Variants in AXDND1 observed in about 807,000 individuals in gnomAD.
The protein encoded by AXDND1 is axonemal dynein light chain domain containing 1, also known as axonemal dynein light chain domain-containing protein 1.
A neutral mutation model predicts 137.5 loss-of-function variants in AXDND1; 110 were observed. The ratio of observed to expected loss-of-function variants is 0.80; its 90% confidence interval spans 0.69 to 0.94. The LOEUF (loss-of-function observed/expected upper bound fraction) is 0.94, where lower values mean the gene tolerates loss of function less well. AXDND1 is among the 40% of genes least tolerant of loss of function. The pLI is 0.00. For missense variants in AXDND1, 1,191 were observed against 1,169.8 expected (o/e 1.02, Z -0.26); for synonymous variants, 414 against 399.7 (o/e 1.04, Z -0.43).
At chr1:179,376,537 A>G (rs1647302241) in intron 4 of AXDND1, among the ~76,000 whole-genome samples, 2 of 152,192 alleles carry the variant, frequency 1.3e-5, no homozygotes. Flanking sequence ...CTCAGGACCT[A>G]TGCATATGCT....
At chr1:179,466,184 C>T (rs1020179608) in intron 16 of AXDND1, among the ~76,000 whole-genome samples, 3 of 152,068 alleles carry the variant, frequency 2.0e-5, no homozygotes, top group Admixed American at 6.6e-5. Flanking sequence ...AGAAATCACC[C>T]GAGTTCTGCA....
Position 179,506,122 on chromosome 1 carries a change from T to C in AXDND1, c.2389-3174T>C, listed in dbSNP as rs112712195. Among the ~76,000 whole-genome samples, 963 of 152,256 alleles carry C rather than the reference T, an allele frequency of 6.3e-3. 10 individuals are homozygous for C. The highest frequency in any genetic ancestry group is 0.022 in the African/African-American group (922 of 41,534). On this transcript the variant is annotated intron_variant, in intron 20 of 25. Transcript: ENST00000367618. ...AACAGCTACTGAAAGCCTGGAAACT[T>C]AGCCAGGCCAGATAAGCTAGATGGA...
intron 11 of AXDND1, among the ~76,000 whole-genome samples, chr1:179,406,494 T>A (rs1229354133): frequency 1.3e-5 from 2 of 152,164 alleles, no homozygotes; most frequent in Non-Finnish European, 2.9e-5. Flanking sequence ...CTTCCATCTG[T>A]CTCTTTAGAT....
At chr1:179,527,838 A>ACTACTGCTATTACTACTACC (rs1670681619) in intron 22 of AXDND1, among the ~76,000 whole-genome samples, 1 of 152,016 alleles carries the variant, frequency 6.6e-6, no homozygotes, top group Non-Finnish European at 1.5e-5. Context: ...TTACTACTGC[A>ACTACTGCTATTACTACTACC]ACTACTGCTA....
chr1:179,551,370 C>T (rs767084085), intron 25 of AXDND1: 6 of 1,613,948 alleles, frequency 3.7e-6, no homozygotes, highest in East Asian at 2.2e-5. Context: ...CGAAGCTGAA[C>T]GGCAGCAGGG....
At chr1:179,389,054 A>C (rs1286945279) in intron 9 of AXDND1, among the ~76,000 whole-genome samples, 2 of 136,088 alleles carry the variant, frequency 1.5e-5, no homozygotes, top group Non-Finnish European at 3.0e-5. Flanking sequence ...AGCTCACTGC[A>C]ACCTCCACCT....
At chr1:179,450,307 G>A (rs988232045) in intron 16 of AXDND1, 13 of 152,110 alleles carry the variant, frequency 8.5e-5, no homozygotes, top group African/African-American at 1.9e-4. Flanking sequence ...AGCCATGGTG[G>A]CCTGGATTCT....
chr1:179,366,583 C>G lies in AXDND1; in HGVS notation c.74C>G (p.Ser25Cys). 1 of 1,613,386 alleles carries G rather than the reference C, an allele frequency of 6.2e-7. No homozygotes were observed. The highest frequency in any genetic ancestry group is 8.5e-7 in the Non-Finnish European group (1 of 1,179,406). Residue 25 changes from serine to cysteine, a missense_variant, in exon 2 of 26, where the codon TCT (serine) becomes TGT (cysteine). Coordinates refer to ENST00000367618, the MANE Select transcript of AXDND1 (RefSeq NM_144696.6). ...TCTGAGAGCAAAAAGTTAAAAGTGT[C>G]TGTAGCCAAGGAAGGGACAAGAGGT... ...STSESKKLKVSVAKEGTRGLP... is the reference protein window; with the variant it reads ...STSESKKLKVCVAKEGTRGLP...
intron 1 of AXDND1, 191 bp from the exon 2 acceptor site, chr1:179,366,212 CT>C (rs1428573936): frequency 5.0e-6 from 1 of 199,394 alleles, no homozygotes; most frequent in Non-Finnish European, 1.0e-5. Flanking sequence ...CGGGTCCTTC[CT>C]GCCCTGCTCC....
At chr1:179,417,751 A>C (rs1403409492) in intron 12 of AXDND1, among the ~76,000 whole-genome samples, 4 of 152,078 alleles carry the variant, frequency 2.6e-5, no homozygotes, top group Non-Finnish European at 5.9e-5. Flanking sequence ...TCTGTGAAGA[A>C]TGCCATTGGT....
chr1:179,526,200 A>T (rs1670514346), intron 22 of AXDND1, among the ~76,000 whole-genome samples: 1 of 151,330 alleles, frequency 6.6e-6, no homozygotes. Flanking sequence ...TCCTCTCTTT[A>T]CCCCGTCTCA....
intron 16 of AXDND1, chr1:179,448,258 G>T (rs1660019508): frequency 2.5e-6 from 2 of 787,928 alleles, no homozygotes; most frequent in African/African-American, 3.4e-5. Flanking sequence ...TACTTGAGAA[G>T]AACTTTGTCC....
chr1:179,396,247 A>AT (rs981377618), intron 11 of AXDND1, among the ~76,000 whole-genome samples: 1 of 151,984 alleles, frequency 6.6e-6, no homozygotes, highest in African/African-American at 2.4e-5. Flanking sequence ...GTATCTCTAT[A>AT]TATCTCCATT....
In AXDND1 at chr1:179,378,218, G is replaced by T. The variant is rs140141917; in HGVS notation, c.375-419G>T. 3.0e-4 allele frequency among the ~76,000 whole-genome samples: 46 copies of T among 152,182 alleles called. No homozygotes were observed. In the East Asian group the frequency reaches 8.3e-3, roughly 27 times the overall value. On this transcript the variant is annotated intron_variant, in intron 4 of 25. Transcript: ENST00000367618. ...CAATCACAACATGACAGCAATACAT[G>T]TTCAAGGAAATATTTTTAGAAGGGG...
At chr1:179,519,863 G>A (rs1669891921) in intron 21 of AXDND1, among the ~76,000 whole-genome samples, 1 of 152,070 alleles carries the variant, frequency 6.6e-6, no homozygotes, top group Admixed American at 6.5e-5. Context: ...TTGCCTCACT[G>A]TTCAGGCTTC....
intron 17 of AXDND1, among the ~76,000 whole-genome samples, chr1:179,469,179 C>T (rs1433561291): frequency 6.6e-6 from 1 of 151,568 alleles, no homozygotes; most frequent in Non-Finnish European, 1.5e-5. Flanking sequence ...ATACGCCCAC[C>T]TTGGCCTTCC....
chr1:179,551,455 G>C (rs1333822387), intron 25 of AXDND1: 4 of 1,612,790 alleles, frequency 2.5e-6, no homozygotes, highest in East Asian at 2.2e-5. Flanking sequence ...CAATCATCTA[G>C]AAAACATGTG....
intron 12 of AXDND1, among the ~76,000 whole-genome samples, chr1:179,421,160 T>C (rs1385254629): frequency 1.3e-5 from 2 of 151,822 alleles, no homozygotes; most frequent in Non-Finnish European, 2.9e-5. Context: ...TTCTATATTT[T>C]ATTGCATTGG....
At chr1:179,384,433 G>GACC (rs1224049754) in intron 8 of AXDND1, among the ~76,000 whole-genome samples, 1 of 152,086 alleles carries the variant, frequency 6.6e-6, no homozygotes, top group Admixed American at 6.5e-5. Flanking sequence ...ATCTGACACA[G>GACC]ACATTTAAAT....
Sources: allele counts gnomAD v4.1 joint callset (sites outside exome capture counted in the v4.1 genomes callset), GRCh38; gene constraint gnomAD v4.1.1; transcripts MANE v1.5; gene names NCBI Gene and HGNC (gene_info 2026-07-23, HGNC 2026-07-21).